MICU2: variants seen among roughly 807,000 people sequenced by gnomAD.
MICU2 encodes the protein mitochondrial calcium uptake 2.
Under a neutral mutation model 60.4 loss-of-function variants are expected in MICU2, and 64 were observed. The ratio of observed to expected loss-of-function variants is 1.06; its 90% CI spans 0.87 to 1.31. MICU2 has a LOEUF of 1.31. MICU2 is among the 50% of genes most tolerant of loss of function. MICU2 has a pLI of 0.00. For missense variants in MICU2, 569 were observed against 531.0 expected, an observed-to-expected ratio of 1.07 and a Z score of -0.70; for synonymous variants, 201 against 175.0, an observed-to-expected ratio of 1.15 and a Z score of -1.17.
At chr13:21,543,155 C>T (rs1887324315) in intron 2 of MICU2, among the ~76,000 whole-genome samples, 2 of 152,150 alleles carry the variant, frequency 1.3e-5, no homozygotes, top group African/African-American at 4.8e-5. Context: ...GAAACCAAGG[C>T]AGAAAATGAT....
At chr13:21,511,680 C>A (rs780217976) in intron 7 of MICU2, among the ~76,000 whole-genome samples, 1 of 151,958 alleles carries the variant, frequency 6.6e-6, no homozygotes, top group African/African-American at 2.4e-5. Context: ...TATAGCTACA[C>A]CAGCTTTCCT....
At chr13:21,519,696 C>T (rs141977308) in intron 6 of MICU2, among the ~76,000 whole-genome samples, 89 of 152,316 alleles carry the variant, frequency 5.8e-4, no homozygotes, top group African/African-American at 2.0e-3. Flanking sequence ...TCTTGTCCAT[C>T]TGTAGGGATG....
chr13:21,528,483 A>G (rs1236473246), intron 4 of MICU2, among the ~76,000 whole-genome samples: 1 of 152,184 alleles, frequency 6.6e-6, no homozygotes. Flanking sequence ...TTGCACTTGT[A>G]AGCACTTTTT....
intron 6 of MICU2, among the ~76,000 whole-genome samples, chr13:21,518,877 TA>T (rs1370499320): frequency 3.3e-5 from 5 of 152,184 alleles, no homozygotes; most frequent in Non-Finnish European, 5.9e-5. Flanking sequence ...CTCAAATGAA[TA>T]TTTTTATCTA....
intron 1 of MICU2, among the ~76,000 whole-genome samples, chr13:21,571,900 C>G (rs1296469360): frequency 6.6e-6 from 1 of 152,106 alleles, no homozygotes; most frequent in East Asian, 1.9e-4. Flanking sequence ...GTAACAGCAG[C>G]CATACAGTAC....
rs34890922 is a variant in MICU2 at position 21,498,369 on chromosome 13, CTTTTTTTTT to C, written c.934-2218_934-2210del. Among the ~76,000 whole-genome samples, 372 of 78,558 alleles carry C rather than the reference CTTTTTTTTT, an allele frequency of 4.7e-3. 1 individual carries two copies. Among genetic ancestry groups the C allele is most frequent in the Middle Eastern group, 0.037 (4 of 108 alleles). 51.5% of individuals were successfully genotyped at this position (78,558 alleles called of 152,430 possible). A position where few individuals can be genotyped will look rare whatever the true frequency, so the allele number is the denominator to read the frequency against. ...TGTCTCCATCCAGAAATATCCTATTCTTTTTTTTTTTTTTTTTTTTTTTTTTTTTGAGAC... is the reference window on the plus strand; with the variant it reads ...TGTCTCCATCCAGAAATATCCTATTCTTTTTTTTTTTTTTTTTTTTGAGAC... On this transcript the variant is annotated intron_variant, in intron 9 of 11. Transcript: ENST00000382374.
At chr13:21,579,951 T>TG (rs1888313308) in intron 1 of MICU2, among the ~76,000 whole-genome samples, 1 of 152,236 alleles carries the variant, frequency 6.6e-6, no homozygotes, top group Admixed American at 6.5e-5. Flanking sequence ...TGGTTATTTT[T>TG]CTGTTTTGCT....
At chr13:21,532,882 G>A (rs781164662) in intron 4 of MICU2, among the ~76,000 whole-genome samples, 2 of 152,112 alleles carry the variant, frequency 1.3e-5, no homozygotes, top group African/African-American at 2.4e-5. Flanking sequence ...CAGGGAATAT[G>A]GGGGTAAAGG....
chr13:21,537,343 C>T (rs1049963123), intron 4 of MICU2, among the ~76,000 whole-genome samples: 2 of 152,188 alleles, frequency 1.3e-5, no homozygotes, highest in Non-Finnish European at 1.5e-5. Context: ...ATGTTCTCTT[C>T]TAGTCCTTGA....
intron 6 of MICU2, among the ~76,000 whole-genome samples, chr13:21,514,669 A>G (rs1390630883): frequency 1.3e-5 from 2 of 151,086 alleles, no homozygotes; most frequent in African/African-American, 4.9e-5. Flanking sequence ...AGTAGCTGGG[A>G]CTACAGGCGC....
rs71650194 is a variant in MICU2 at position 21,538,562 on chromosome 13, C to CAAAAAA, written c.466+734_466+739dup. ...CCAGCAACAGAGCAAGACCCTGTCTCAAAAAAAAAAAAAAAAAACCCCAAA... is the reference window on the plus strand; with the variant it reads ...CCAGCAACAGAGCAAGACCCTGTCTCAAAAAAAAAAAAAAAAAAAAAAAACCCCAAA... On this transcript the variant is annotated intron_variant, in intron 4 of 11. Coordinates refer to ENST00000382374, the MANE Select transcript of MICU2 (RefSeq NM_152726.3). 4.8e-4 allele frequency among the ~76,000 whole-genome samples: 49 copies of CAAAAAA among 102,028 alleles called. 1 individual carries two copies. In the East Asian group the frequency reaches 4.9e-3, roughly 10 times the overall value. The allele number at this position is 102,028 out of a possible 152,430, so 66.9% of individuals were successfully genotyped here.
chr13:21,493,686 A>C (rs77680296), intron 11 of MICU2, among the ~76,000 whole-genome samples: 5,638 of 152,046 alleles, frequency 0.037, 353 homozygotes, highest in African/African-American at 0.13. Context: ...TTCCTTTTAT[A>C]ATGTTTTATA....
intron 2 of MICU2, among the ~76,000 whole-genome samples, chr13:21,541,597 T>C (rs527651741): frequency 6.6e-6 from 1 of 152,316 alleles, no homozygotes; most frequent in East Asian, 1.9e-4. Flanking sequence ...TAAATTATTA[T>C]ATCCCCACTT....
rs190576517 is a variant in MICU2 at position 21,531,411 on chromosome 13, T to C, written c.466+7891A>G. Reference sequence around the variant, plus strand: ...TTTAAAACGAGAGTGGTCCTTCCCTTTGCCTGTGGTGTCAAAGTGCATCAC... The same window carrying C: ...TTTAAAACGAGAGTGGTCCTTCCCTCTGCCTGTGGTGTCAAAGTGCATCAC... On this transcript the variant is annotated intron_variant, in intron 4 of 11. Transcript: ENST00000382374. The C allele has an allele frequency of 1.9e-4, 161 of 856,966 alleles. 1 individual carries two copies. The East Asian group carries it at 3.5e-3, about 19-fold the overall frequency. The allele number at this position is 856,966 out of a possible 1,614,324, so 53.1% of individuals were successfully genotyped here.
At position 21,500,414 on chromosome 13, in the gene MICU2, C is replaced by T. The variant is rs539509827; in HGVS notation, c.933+2512G>A. On this transcript the variant is annotated intron_variant, in intron 9 of 11. Transcript: ENST00000382374. Reference sequence around the variant, plus strand: ...GACCGTTTAAAGTTCTTGATACCTACTGATTTTTTTTTTTTTTTTTTTTTT... The same window carrying T: ...GACCGTTTAAAGTTCTTGATACCTATTGATTTTTTTTTTTTTTTTTTTTTT... 7.6e-5 allele frequency among the ~76,000 whole-genome samples: 10 copies of T among 132,370 alleles called. No homozygotes were observed. In the South Asian group the frequency reaches 2.2e-3, roughly 29 times the overall value. The allele number at this position is 132,370 out of a possible 152,430, so 86.8% of individuals were successfully genotyped here.
intron 1 of MICU2, among the ~76,000 whole-genome samples, chr13:21,569,176 C>G (rs192490252): frequency 6.6e-6 from 1 of 152,200 alleles, no homozygotes; most frequent in Admixed American, 6.5e-5. Flanking sequence ...GAAAAATGAC[C>G]TCTGAATTTG....
chr13:21,495,436 AAAAC>A, intron 10 of MICU2, 118 bp from the exon 11 acceptor site: 1 of 972,206 alleles, frequency 1.0e-6, no homozygotes, highest in Non-Finnish European at 1.4e-6. Flanking sequence ...TTTGGGAAGT[AAAAC>A]AAAAACAAAA....
chr13:21,592,073 C>A (rs1888596193), intron 1 of MICU2, among the ~76,000 whole-genome samples: 1 of 150,576 alleles, frequency 6.6e-6, no homozygotes, highest in Non-Finnish European at 1.5e-5. Flanking sequence ...ATCAACAAAT[C>A]CAGGAGCTGG....
intron 2 of MICU2, among the ~76,000 whole-genome samples, chr13:21,541,790 C>A (rs183626303): frequency 6.6e-6 from 1 of 152,110 alleles, no homozygotes; most frequent in Admixed American, 6.5e-5. Flanking sequence ...ATGCATGGTA[C>A]GATTATAGAG....
Sources: gnomAD v4.1 joint callset for allele counts (sites outside exome capture counted in the v4.1 genomes callset) on GRCh38, gnomAD v4.1.1 for gene constraint, MANE v1.5 for transcripts, NCBI Gene and HGNC (gene_info 2026-07-23, HGNC 2026-07-21) for gene names.